Variants in UBA6 observed in about 807,000 individuals in gnomAD.
The protein encoded by UBA6 is ubiquitin like modifier activating enzyme 6, also known as ubiquitin-like modifier-activating enzyme 6.
In UBA6, 87 loss-of-function variants were observed where a neutral mutation model predicts 148.3. The observed-to-expected ratio is 0.59, with a 90% CI of 0.49 to 0.70. The LOEUF (loss-of-function observed/expected upper bound fraction) is 0.70. Among genes scored for constraint, UBA6 ranks in the 30% least tolerant of loss-of-function variants. The pLI is 0.00. For synonymous variants in UBA6, 376 were observed against 401.0 expected, an observed-to-expected ratio of 0.94 and a Z score of 0.75; for missense variants, 1,186 against 1,241.2, an observed-to-expected ratio of 0.96 and a Z score of 0.67.
rs1728682113 is a variant in UBA6, at chr4:67,618,646, A to C, written c.*351T>G. ...AAAATTAAACTTTTTGAATAGTTGCATTCGTTGCTTTCAATTTCTTCATCC... is the reference window on the plus strand; with the variant it reads ...AAAATTAAACTTTTTGAATAGTTGCCTTCGTTGCTTTCAATTTCTTCATCC... On this transcript the variant is annotated 3_prime_UTR_variant, in exon 33 of 33. Coordinates refer to ENST00000322244, the MANE Select transcript of UBA6 (RefSeq NM_018227.6). 1 of 168,104 alleles carries C rather than the reference A, an allele frequency of 5.9e-6. No homozygotes were observed. Among genetic ancestry groups the C allele is most frequent in the South Asian group, 2.0e-4 (1 of 5,020 alleles). The allele number at this position is 168,104 out of a possible 1,614,324, so 10.4% of individuals were successfully genotyped here.
intron 6 of UBA6, 46 bp downstream of exon 6, chr4:67,677,565 G>T: frequency 1.0e-6 from 1 of 959,526 alleles, no homozygotes; most frequent in Non-Finnish European, 1.6e-6. Flanking sequence ...TAACAATTTT[G>T]CCCTGGAACC....
intron 10 of UBA6, 90 bp from the exon 11 acceptor site, chr4:67,664,037 G>C (rs1729930243): frequency 9.9e-7 from 1 of 1,007,600 alleles, no homozygotes; most frequent in East Asian, 2.4e-5. Flanking sequence ...TAAAAACTAG[G>C]GAACTCTCCC....
chr4:67,668,512 G>C, intron 9 of UBA6, 39 bp downstream of exon 9: 1 of 1,575,408 alleles, frequency 6.3e-7, no homozygotes. Flanking sequence ...TAAATTTGCT[G>C]AATAAGTATA....
intron 7 of UBA6, 98 bp downstream of exon 7, chr4:67,673,599 A>G: frequency 3.1e-6 from 2 of 655,218 alleles, no homozygotes; most frequent in Non-Finnish European, 2.6e-6. Flanking sequence ...TTAATATGTA[A>G]AAAGTTTCTT....
chr4:67,656,830 A>C (rs1188711491), intron 13 of UBA6, among the ~76,000 whole-genome samples: 2 of 152,258 alleles, frequency 1.3e-5, no homozygotes, highest in African/African-American at 2.4e-5. Context: ...AACTTCAGCA[A>C]AGTCTCAGGA....
intron 4 of UBA6, among the ~76,000 whole-genome samples, chr4:67,679,649 A>G (rs1165012708): frequency 6.6e-6 from 1 of 152,170 alleles, no homozygotes; most frequent in Non-Finnish European, 1.5e-5. Flanking sequence ...TAAAGAATAT[A>G]TAGCATATAT....
At chr4:67,624,613 T>C (rs942932213) in intron 29 of UBA6, among the ~76,000 whole-genome samples, 1 of 152,084 alleles carries the variant, frequency 6.6e-6, no homozygotes, top group Admixed American at 6.6e-5. Context: ...AGAGTAATGA[T>C]GTAATATGGT....
intron 5 of UBA6, 136 bp downstream of exon 5, chr4:67,678,303 T>C (rs1427427696): frequency 4.6e-6 from 2 of 434,344 alleles, no homozygotes; most frequent in South Asian, 8.1e-5. Flanking sequence ...TCATAATACA[T>C]AAAAATATCT....
chr4:67,697,706 T>C (rs1730874120), intron 1 of UBA6, among the ~76,000 whole-genome samples: 2 of 152,314 alleles, frequency 1.3e-5, no homozygotes, highest in South Asian at 4.1e-4. Context: ...TCATAAGATA[T>C]CTCAAACCTG....
chr4:67,680,677 G>A (rs1730411525), intron 4 of UBA6, among the ~76,000 whole-genome samples: 1 of 152,204 alleles, frequency 6.6e-6, no homozygotes, highest in Admixed American at 6.5e-5. Flanking sequence ...CTGCTTCATA[G>A]TATTTAGGCT....
intron 13 of UBA6, among the ~76,000 whole-genome samples, chr4:67,659,150 A>G (rs1049974460): frequency 4.6e-5 from 7 of 152,226 alleles, no homozygotes; most frequent in African/African-American, 1.2e-4. Flanking sequence ...TATATATGCA[A>G]TAAAAGGTCT....
At chr4:67,634,768 C>A (rs756232573) in intron 20 of UBA6, among the ~76,000 whole-genome samples, 5 of 151,978 alleles carry the variant, frequency 3.3e-5, no homozygotes, top group Non-Finnish European at 7.4e-5. Flanking sequence ...TTTAAAGCAC[C>A]ATGTAGTACT....
intron 32 of UBA6, among the ~76,000 whole-genome samples, chr4:67,621,678 C>A (rs1464729785): frequency 6.6e-6 from 1 of 152,134 alleles, no homozygotes; most frequent in East Asian, 1.9e-4. Flanking sequence ...TGTTGGGTGC[C>A]TGTCATCCCA....
chr4:67,654,071 T>TA (rs1388860541), intron 13 of UBA6, among the ~76,000 whole-genome samples: 1 of 152,170 alleles, frequency 6.6e-6, no homozygotes, highest in Non-Finnish European at 1.5e-5. Flanking sequence ...CTGGTGTAAC[T>TA]AAAAGTGACA....
intron 2 of UBA6, among the ~76,000 whole-genome samples, chr4:67,684,441 G>A (rs1201201305): frequency 6.6e-6 from 1 of 151,984 alleles, no homozygotes; most frequent in East Asian, 1.9e-4. Flanking sequence ...TTTTTTATGT[G>A]TTAATCCAAA....
intron 26 of UBA6, among the ~76,000 whole-genome samples, chr4:67,629,890 A>G (rs570265343): frequency 6.6e-6 from 1 of 152,136 alleles, no homozygotes; most frequent in Non-Finnish European, 1.5e-5. Context: ...CCCACCTAAA[A>G]GTACAGCAAT....
Position 67,663,675 on chromosome 4 carries a change from T to G in UBA6, c.960+210A>C, listed in dbSNP as rs76832075. 1,833 of 509,846 alleles carry G rather than the reference T, an allele frequency of 3.6e-3. 22 individuals are homozygous for G. Among genetic ancestry groups the G allele is most frequent in the African/African-American group, 0.032 (1,686 of 52,068 alleles). The allele number at this position is 509,846 out of a possible 1,614,324, so 31.6% of individuals were successfully genotyped here. A position where few individuals can be genotyped will look rare whatever the true frequency, so the allele number is the denominator to read the frequency against. On this transcript the variant is annotated intron_variant, in intron 11 of 32. Transcript: ENST00000322244. ...TTATAAAAGTGAAACTTTTTCCTATTACTTTATCATTTTTTTCTATGAGAC... is the reference window on the plus strand; with the variant it reads ...TTATAAAAGTGAAACTTTTTCCTATGACTTTATCATTTTTTTCTATGAGAC...
In UBA6 at chr4:67,617,290, A is replaced by G. The variant is rs1272337519; in HGVS notation, c.*1707T>C. 6.6e-6 allele frequency: 1 copy of G among 152,088 alleles called. No individual in the cohort carries two copies. Among genetic ancestry groups the G allele is most frequent in the Non-Finnish European group, 1.5e-5 (1 of 67,982 alleles). The allele number at this position is 152,088 out of a possible 1,614,324, so 9.4% of individuals were successfully genotyped here. ...AACGTGGAAAAAAGCCTTCTTTGCA[A>G]AAGTCCTTTTATTAGTCCTATCCTC... On this transcript the variant is annotated 3_prime_UTR_variant, in exon 33 of 33. Transcript: ENST00000322244.
chr4:67,696,562 G>A, intron 2 of UBA6, 83 bp downstream of exon 2: 1 of 1,069,444 alleles, frequency 9.4e-7, no homozygotes. Context: ...TGCATAGGCT[G>A]AATGGTATCT....
Sources: gnomAD v4.1 joint callset for allele counts (sites outside exome capture counted in the v4.1 genomes callset) on GRCh38, gnomAD v4.1.1 for gene constraint, MANE v1.5 for transcripts, NCBI Gene and HGNC (gene_info 2026-07-23, HGNC 2026-07-21) for gene names.